The following FAT4 variants were observed in gnomAD, a reference collection of about 807,000 sequenced individuals.
The protein encoded by FAT4 is FAT atypical cadherin 4, also known as protocadherin Fat 4.
FAT4 carries 84 observed loss-of-function variants against 303.9 expected under a neutral mutation model. The observed-to-expected ratio is 0.28, with a 90% CI of 0.23 to 0.33. The LOEUF is 0.33. FAT4 is among the 10% of genes least tolerant of loss of function. The pLI, the probability that FAT4 is intolerant of heterozygous loss-of-function variation, is 1.00. For synonymous variants in FAT4, 2,307 were observed against 2,298.8 expected (o/e 1.00, Z -0.10); for missense variants, 6,005 against 6,146.8 (o/e 0.98, Z 0.77).
At chr4:125,374,938 A>G (rs1374176848) in intron 2 of FAT4, among the ~76,000 whole-genome samples, 1 of 152,230 alleles carries the variant, frequency 6.6e-6, no homozygotes, top group African/African-American at 2.4e-5. Context: ...AAAAAAATGT[A>G]GGCTTGTTAG....
At chr4:125,360,008 A>G (rs1218079396) in intron 2 of FAT4, among the ~76,000 whole-genome samples, 1 of 152,144 alleles carries the variant, frequency 6.6e-6, no homozygotes, top group Non-Finnish European at 1.5e-5. Flanking sequence ...TTCCCTCAGG[A>G]TGAAACAACC....
chr4:125,444,643 T>G (rs1339455736), intron 8 of FAT4, among the ~76,000 whole-genome samples: 1 of 144,572 alleles, frequency 6.9e-6, no homozygotes, highest in Non-Finnish European at 1.5e-5. Flanking sequence ...TCTTGGCATA[T>G]ACAAAACATC....
In FAT4 at chr4:125,321,395, C is replaced by G. The variant is rs1361813847; in HGVS notation, c.4984C>G (p.Pro1662Ala). The change falls in exon 2 of 18, where the codon CCA becomes GCA. Residue 1662 changes from proline to alanine, a missense_variant. By Grantham distance (27) the Pro-to-Ala change is conservative. Transcript: ENST00000394329. ...AGCTAGCCCCAGAGGATCTGAGGCC[C>G]CAGTGGAGTATTATATTGTTTCAGT... ...EAASPRGSEA[P>A]VEYYIVSVRC... 1.2e-6 allele frequency: 2 copies of G among 1,613,844 alleles called. No individual in the cohort carries two copies. Among genetic ancestry groups the G allele is most frequent in the African/African-American group, 1.3e-5 (1 of 74,878 alleles).
chr4:125,484,054 CACACAT>C (rs774158553), intron 16 of FAT4, among the ~76,000 whole-genome samples: 31 of 81,198 alleles, frequency 3.8e-4, no homozygotes, highest in African/African-American at 1.3e-3. Flanking sequence ...TCTCTACAGA[CACACAT>C]ACACACACAC....
intron 2 of FAT4, among the ~76,000 whole-genome samples, chr4:125,369,302 G>A (rs575361086): frequency 1.3e-5 from 2 of 152,052 alleles, no homozygotes; most frequent in South Asian, 4.1e-4. Flanking sequence ...GAGTAATGGC[G>A]CGTGCATTAA....
rs1733235332 is a variant in FAT4 at position 125,374,322 on chromosome 4, T to C, written c.5176-24462T>C. Among the ~76,000 whole-genome samples, 3 of 152,196 alleles carry C rather than the reference T, an allele frequency of 2.0e-5. No individual in the cohort carries two copies. In the South Asian group the frequency reaches 6.2e-4, roughly 31 times the overall value. ...TTTGAAGTTGCAACACTCCAGAAATTTGGTGACAAGCAAATGCCCCTATTT... is the reference window on the plus strand; with the variant it reads ...TTTGAAGTTGCAACACTCCAGAAATCTGGTGACAAGCAAATGCCCCTATTT... On this transcript the variant is annotated intron_variant, in intron 2 of 17. Transcript: ENST00000394329.
chr4:125,321,200 T>C lies in FAT4; in HGVS notation c.4789T>C (p.Tyr1597His), dbSNP rs1325127163. The C allele has an allele frequency of 6.2e-7, 1 of 1,614,168 alleles. No individual in the cohort carries two copies. Among genetic ancestry groups the C allele is most frequent in the Admixed American group, 1.7e-5 (1 of 60,022 alleles). ...AGCGTTGGTGCCTTCACAGTTGATC[T>C]ACAATCTCATAGTTTCAGCAACAGA... ...ASALVPSQLI[Y>H]NLIVSATDLG... Residue 1597 changes from tyrosine (Y) to histidine (H), a missense_variant, in exon 2 of 18, where the codon TAC (tyrosine) becomes CAC (histidine). Physicochemically the swap from Tyr to His is moderately conservative, Grantham distance 83. Transcript: ENST00000394329.
intron 3 of FAT4, among the ~76,000 whole-genome samples, chr4:125,400,083 A>G (rs1281083063): frequency 6.6e-6 from 1 of 152,002 alleles, no homozygotes; most frequent in African/African-American, 2.4e-5. Flanking sequence ...TAATTGGCAT[A>G]GGACAATTGA....
intron 11 of FAT4, among the ~76,000 whole-genome samples, chr4:125,464,894 A>G (rs6840744): frequency 0.038 from 5,757 of 152,282 alleles, 162 homozygotes; most frequent in African/African-American, 0.083. Context: ...TAACTGTGCT[A>G]TATGGACCTG....
intron 2 of FAT4, among the ~76,000 whole-genome samples, chr4:125,392,025 T>C (rs1733994850): frequency 6.6e-6 from 1 of 152,170 alleles, no homozygotes; most frequent in African/African-American, 2.4e-5. Flanking sequence ...TCTCAGAATA[T>C]AGAAGTCTCT....
intron 3 of FAT4, 53 bp downstream of exon 3, chr4:125,398,968 C>T (rs1383357329): frequency 6.3e-7 from 1 of 1,582,728 alleles, no homozygotes; most frequent in Non-Finnish European, 8.7e-7. Context: ...AGTGATTTAT[C>T]AAATTTCTAG....
At chr4:125,376,335 G>T (rs1300368893) in intron 2 of FAT4, among the ~76,000 whole-genome samples, 1 of 151,976 alleles carries the variant, frequency 6.6e-6, no homozygotes, top group Non-Finnish European at 1.5e-5. Context: ...AATAATTAGG[G>T]GTAAAATGGA....
rs553653311 is a variant in FAT4, at chr4:125,491,691, G to A, written c.14875G>A (p.Ala4959Thr). The stretch of plus-strand genomic sequence containing the variant: ...AGATTTGGCATCTCTTCCAGAAAAA[G>A]CAGCAGCAAATGAAGAAGGCAAAGC... ...FKDLASLPEK[A>T]AANEEGKAGT... The change falls in exon 18 of 18, where the codon GCA becomes ACA. Residue 4959 changes from alanine (A) to threonine (T), a missense_variant. Physicochemically the swap from Ala to Thr is moderately conservative, Grantham distance 58. Transcript: ENST00000394329. The A allele has an allele frequency of 8.9e-5, 143 of 1,614,150 alleles. 1 individual carries two copies. The South Asian group carries it at 1.5e-3, about 16-fold the overall frequency.
Position 125,490,296 on chromosome 4 carries a change from A to C in FAT4, c.13480A>C (p.Ser4494Arg), listed in dbSNP as rs780960932. The C allele has an allele frequency of 2.8e-5, 46 of 1,614,064 alleles. No individual in the cohort carries two copies. Among genetic ancestry groups the C allele is most frequent in the Non-Finnish European group, 3.6e-5 (42 of 1,180,028 alleles). Residue 4494 changes from serine to arginine, a missense_variant, in exon 18 of 18, where the codon AGT becomes CGT. Transcript: ENST00000394329. ...GSPAGHVCVLSQGPEEISLPL... is the reference protein window; with the variant it reads ...GSPAGHVCVLRQGPEEISLPL... The stretch of plus-strand genomic sequence containing the variant: ...TCCTGCGGGGCATGTCTGTGTTCTG[A>C]GTCAGGGCCCTGAAGAGATCTCTCT...
rs1241376194 is a variant in FAT4, at chr4:125,415,410, TAAC to T, written c.6451_6453del (p.Asn2151del). On this transcript the variant is annotated inframe_deletion, in exon 6 of 18. Transcript: ENST00000394329. Reference sequence around the variant, plus strand: ...TAGTTATGGTACTTGACATCAATGATAACAACCCCATCTTTGCACAAGCTTTGT... The same window carrying T: ...TAGTTATGGTACTTGACATCAATGATAACCCCATCTTTGCACAAGCTTTGT... 2.5e-6 allele frequency: 4 copies of T among 1,613,960 alleles called. No individual in the cohort carries two copies. Among genetic ancestry groups the T allele is most frequent in the Non-Finnish European group, 3.4e-6 (4 of 1,179,994 alleles).
intron 10 of FAT4, among the ~76,000 whole-genome samples, chr4:125,460,303 G>A (rs1726438614): frequency 6.6e-6 from 1 of 151,756 alleles, no homozygotes; most frequent in African/African-American, 2.4e-5. Context: ...TTATATTTTA[G>A]GTTCTGGGTA....
intron 8 of FAT4, among the ~76,000 whole-genome samples, chr4:125,439,653 A>G (rs1335751631): frequency 6.6e-6 from 1 of 151,960 alleles, no homozygotes; most frequent in East Asian, 1.9e-4. Context: ...AAAATTTCTT[A>G]ATATGTGCTA....
In FAT4 at chr4:125,448,636, A is replaced by G. The variant is rs764738561; in HGVS notation, c.7626A>G (p.Val2542=). ...GASEVTFSVH[V]KDGGSFPKTD... ...CAGAAGTGACATTTTCTGTGCATGT[A>G]AAAGATGGTGGCTCATTTCCAAAGA... Residue 2542 remains valine (V), a synonymous_variant, in exon 10 of 18, where the codon GTA becomes GTG. Coordinates refer to ENST00000394329, the MANE Select transcript of FAT4 (RefSeq NM_001291303.3). 11 of 1,613,836 alleles carry G rather than the reference A, an allele frequency of 6.8e-6. No individual in the cohort carries two copies. In the Middle Eastern group the frequency reaches 1.3e-3, roughly 193 times the overall value.
intron 2 of FAT4, among the ~76,000 whole-genome samples, chr4:125,387,047 A>G (rs934742270): frequency 5.9e-5 from 9 of 152,166 alleles, no homozygotes; most frequent in Admixed American, 2.0e-4. Context: ...TTGAGAATCT[A>G]ATGCCGCAGC....
Sources: allele counts gnomAD v4.1 joint callset (sites outside exome capture counted in the v4.1 genomes callset), GRCh38; gene constraint gnomAD v4.1.1; transcripts MANE v1.5; gene names NCBI Gene and HGNC (gene_info 2026-07-23, HGNC 2026-07-21).